PDZD2: variants seen among roughly 807,000 people sequenced by gnomAD.
PDZD2 encodes PDZ domain-containing protein 2.
In PDZD2, 90 loss-of-function variants were observed where a neutral mutation model predicts 220.7. That is an observed-to-expected ratio of 0.41 (90% CI 0.34 to 0.49). PDZD2 has a LOEUF of 0.49. Among genes scored for constraint, PDZD2 ranks in the 20% least tolerant of loss-of-function variants. The pLI, the probability that PDZD2 is intolerant of heterozygous loss-of-function variation, is 0.28. For synonymous variants in PDZD2, 1,375 were observed against 1,450.5 expected, an observed-to-expected ratio of 0.95 and a Z score of 1.18; for missense variants, 3,174 against 3,608.5, an observed-to-expected ratio of 0.88 and a Z score of 3.08.
rs114381789 is a variant in PDZD2 at position 32,090,253 on chromosome 5, C to T, written c.6805C>T (p.Pro2269Ser). 9.9e-6 allele frequency: 16 copies of T among 1,614,170 alleles called. No individual in the cohort carries two copies. The African/African-American group carries it at 2.1e-4, about 22-fold the overall frequency. The part of the protein sequence containing the change: ...PEAKASRGGL[P>S]SLANGQGIYS... ...GGCAAAGGCATCCAGAGGTGGTCTT[C>T]CCAGCCTGGCTAATGGACAGGGCAT... The change falls in exon 20 of 25, where the codon CCC (proline) becomes TCC (serine). Residue 2269 changes from proline (P) to serine (S), a missense_variant. Around this residue, in one of 4 missense-constraint regions of PDZD2, gnomAD observed 631 missense variants for 789.9 expected, o/e 0.80. Coordinates refer to ENST00000438447, the MANE Select transcript of PDZD2 (RefSeq NM_178140.4). The surrounding 1 kb of genome is among the most constrained non-coding windows in gnomAD (Gnocchi z 4.3).
At chr5:31,778,478 T>A (rs1752849635) in intron 1 of PDZD2, among the ~76,000 whole-genome samples, 1 of 150,820 alleles carries the variant, frequency 6.6e-6, no homozygotes, top group Non-Finnish European at 1.5e-5. Flanking sequence ...AGGAACCCAC[T>A]GGGAGGAATG....
chr5:31,662,068 T>TC (rs1485937044), intron 1 of PDZD2, among the ~76,000 whole-genome samples: 9 of 152,260 alleles, frequency 5.9e-5, no homozygotes, highest in Middle Eastern at 3.4e-3. Flanking sequence ...CCTAGCACTT[T>TC]AGGAGTCTGA....
intron 1 of PDZD2, among the ~76,000 whole-genome samples, chr5:31,668,656 A>T (rs942261597): frequency 6.6e-6 from 1 of 152,228 alleles, no homozygotes; most frequent in African/African-American, 2.4e-5. Context: ...GGTTGCAAGT[A>T]GATGAGCTTT....
chr5:31,763,020 G>T (rs1751748614), intron 1 of PDZD2, among the ~76,000 whole-genome samples: 1 of 152,218 alleles, frequency 6.6e-6, no homozygotes, highest in Admixed American at 6.5e-5. Flanking sequence ...CAGTAGAGTG[G>T]TTAATTAAGA....
At chr5:32,043,984 T>C (rs1365378128) in intron 7 of PDZD2, among the ~76,000 whole-genome samples, 2 of 152,196 alleles carry the variant, frequency 1.3e-5, no homozygotes, top group Non-Finnish European at 2.9e-5. Context: ...ATTCTTATTG[T>C]TCTCCTTCCA....
intron 1 of PDZD2, among the ~76,000 whole-genome samples, chr5:31,763,858 G>C (rs1651406): frequency 0.047 from 6,500 of 139,196 alleles, 307 homozygotes; most frequent in African/African-American, 0.13. Flanking sequence ...GGAGAGGAGG[G>C]AGCCCTCTGA....
chr5:31,832,532 G>A (rs1408531806), intron 2 of PDZD2: 1 of 146,922 alleles, frequency 6.8e-6, no homozygotes, highest in Non-Finnish European at 1.5e-5. Context: ...TAATAAAAAT[G>A]GGTCGGGCGC....
chr5:31,869,262 A>G (rs1284192699), intron 2 of PDZD2, among the ~76,000 whole-genome samples: 1 of 152,098 alleles, frequency 6.6e-6, no homozygotes, highest in Non-Finnish European at 1.5e-5. Context: ...TCTGTAGGTA[A>G]ATTCCAGCCA....
chr5:31,998,867 A>G (rs1581241091), intron 4 of PDZD2, among the ~76,000 whole-genome samples: 2 of 152,276 alleles, frequency 1.3e-5, no homozygotes, highest in East Asian at 1.9e-4. Flanking sequence ...ATGCGGTGGG[A>G]TCCGAGGCTC....
chr5:31,947,371 G>C (rs554822654), intron 2 of PDZD2, among the ~76,000 whole-genome samples: 8 of 152,310 alleles, frequency 5.3e-5, no homozygotes, highest in Admixed American at 2.6e-4. Context: ...ACTAAAACTT[G>C]AGTGACGTCA....
At chr5:31,876,091 T>G (rs2150329761) in intron 2 of PDZD2, among the ~76,000 whole-genome samples, 1 of 152,212 alleles carries the variant, frequency 6.6e-6, no homozygotes, top group East Asian at 1.9e-4. Context: ...ATAAATAAGG[T>G]TTATCACTTC....
intron 2 of PDZD2, among the ~76,000 whole-genome samples, chr5:31,977,514 C>T (rs1008324349): frequency 5.3e-5 from 8 of 152,180 alleles, no homozygotes; most frequent in Non-Finnish European, 1.0e-4. Flanking sequence ...CACCCTCACC[C>T]GCCAACCTCT....
At chr5:32,072,995 CATAAG>C (rs1740902440) in intron 17 of PDZD2, among the ~76,000 whole-genome samples, 1 of 149,940 alleles carries the variant, frequency 6.7e-6, no homozygotes, top group African/African-American at 2.5e-5. Context: ...ATTAAGAACT[CATAAG>C]AGACATATTA....
chr5:31,840,399 TATA>T (rs1757200621), intron 2 of PDZD2: 4 of 3,470 alleles, frequency 1.2e-3, no homozygotes, highest in Admixed American at 3.1e-3. Flanking sequence ...ATTTTCATTA[TATA>T]TATATATATA....
chr5:31,787,911 T>C (rs1236539315), intron 1 of PDZD2, among the ~76,000 whole-genome samples: 2 of 152,216 alleles, frequency 1.3e-5, no homozygotes, highest in South Asian at 4.1e-4. Context: ...ATGGTCTCTT[T>C]CTCCAGTGGA....
chr5:32,088,607 G>C lies in PDZD2; in HGVS notation c.5159G>C (p.Ser1720Thr), dbSNP rs1346755530. Residue 1720 changes from serine to threonine, a missense_variant, in exon 20 of 25, where the codon AGT (serine) becomes ACT (threonine). This residue lies in a region of PDZD2 where 1,861 missense variants were observed against 2,001.0 expected (regional missense o/e 0.93). Transcript: ENST00000438447. The surrounding 1 kb of genome is among the most constrained non-coding windows in gnomAD (Gnocchi z 4.6). ...TCTAAAGTAGCCAGGCATTTTCACAGTCCGCCCATCATTCTCAGCTCCCCC... is the reference window on the plus strand; with the variant it reads ...TCTAAAGTAGCCAGGCATTTTCACACTCCGCCCATCATTCTCAGCTCCCCC... ...PLSKVARHFH[S>T]PPIILSSPNM... is the part of the protein sequence containing the mutation. 2.8e-5 allele frequency: 46 copies of C among 1,614,070 alleles called. No homozygotes were observed. The highest frequency in any genetic ancestry group is 3.7e-5 in the Non-Finnish European group (44 of 1,180,034).
At chr5:31,711,169 T>C (rs911028579) in intron 1 of PDZD2, among the ~76,000 whole-genome samples, 9 of 152,140 alleles carry the variant, frequency 5.9e-5, no homozygotes, top group African/African-American at 1.9e-4. Context: ...TGGATGGATA[T>C]TGGTCAAGGG....
intron 1 of PDZD2, among the ~76,000 whole-genome samples, chr5:31,747,208 C>T (rs1409023165): frequency 3.9e-5 from 6 of 152,134 alleles, no homozygotes; most frequent in Admixed American, 1.3e-4. Context: ...TTTTACAGGT[C>T]ATGAGAGCCT....
Position 31,878,555 on chromosome 5 carries a change from C to CTTTTTTTTTTTTTTTTTTTTTT in PDZD2, c.476+78834_476+78855dup, listed in dbSNP as rs397884384. On this transcript the variant is annotated intron_variant, in intron 2 of 24. Coordinates refer to ENST00000438447, the MANE Select transcript of PDZD2 (RefSeq NM_178140.4). ...TTCTTTGGTGGTCAGATGACCTCGGCTTTTTTTTTTTTTTTTTTTTTTTTG... is the reference window on the plus strand; with the variant it reads ...TTCTTTGGTGGTCAGATGACCTCGGCTTTTTTTTTTTTTTTTTTTTTTTTTTTTTTTTTTTTTTTTTTTTTTG... Among the ~76,000 whole-genome samples, 22 of 48,198 alleles carry CTTTTTTTTTTTTTTTTTTTTTT rather than the reference C, an allele frequency of 4.6e-4. 5 individuals are homozygous for CTTTTTTTTTTTTTTTTTTTTTT. The highest frequency in any genetic ancestry group is 9.7e-4 in the African/African-American group (14 of 14,372). 31.6% of individuals were successfully genotyped at this position (48,198 alleles called of 152,430 possible).
Sources: gnomAD v4.1 joint callset for allele counts (sites outside exome capture counted in the v4.1 genomes callset) on GRCh38, gnomAD v4.1.1 for gene constraint, gnomAD v4.1.1 regional missense constraint, Gnocchi (gnomAD v3.1) non-coding constraint, MANE v1.5 for transcripts, NCBI Gene and HGNC (gene_info 2026-07-23, HGNC 2026-07-21) for gene names.